The following DPP10 variants were observed in gnomAD, a reference collection of about 807,000 sequenced individuals.
DPP10 encodes dipeptidyl peptidase like 10.
DPP10 carries 33 observed loss-of-function variants against 120.9 expected under a neutral mutation model. The observed-to-expected ratio is 0.27, with a 90% CI of 0.21 to 0.37. The LOEUF is 0.37. Ranked by LOEUF, DPP10 falls within the 10% of genes least tolerant of loss-of-function variation. DPP10 has a pLI of 1.00. For missense variants in DPP10, 816 were observed against 942.8 expected (o/e 0.87, Z 1.76); for synonymous variants, 337 against 326.1 (o/e 1.03, Z -0.36).
chr2:115,654,554 A>G (rs940982878), intron 5 of DPP10, among the ~76,000 whole-genome samples: 4 of 151,928 alleles, frequency 2.6e-5, no homozygotes, highest in African/African-American at 9.7e-5. Flanking sequence ...AGCAAACAGA[A>G]CAGTCTGTAA....
intron 1 of DPP10, among the ~76,000 whole-genome samples, chr2:114,724,485 T>C (rs1701912549): frequency 6.6e-6 from 1 of 152,138 alleles, no homozygotes; most frequent in Non-Finnish European, 1.5e-5. Context: ...AAAAGGCAGG[T>C]TGATTTTTAT....
chr2:114,713,387 A>C (rs984290286), intron 1 of DPP10, among the ~76,000 whole-genome samples: 1 of 152,190 alleles, frequency 6.6e-6, no homozygotes, highest in Non-Finnish European at 1.5e-5. Flanking sequence ...AGAATTGCTG[A>C]TATGTATAGA....
rs149132320 is a variant in DPP10, at chr2:114,454,772, A to T, written c.60+11934A>T. Among the ~76,000 whole-genome samples, 19 of 152,080 alleles carry T rather than the reference A, an allele frequency of 1.2e-4. No homozygotes were observed. In the East Asian group the frequency reaches 3.3e-3, roughly 26 times the overall value. On this transcript the variant is annotated intron_variant, in intron 1 of 25. Transcript: ENST00000410059. ...GTCCTTCCCTCCCCCTGCAAACAAC[A>T]TCACATTTATGTCTATGTATCTTTG...
intron 4 of DPP10, among the ~76,000 whole-genome samples, chr2:115,505,584 T>A (rs1301530547): frequency 1.3e-5 from 2 of 152,180 alleles, no homozygotes; most frequent in Admixed American, 1.3e-4. Context: ...AATCAGTCAG[T>A]CCATCTTGAG....
intron 3 of DPP10, among the ~76,000 whole-genome samples, chr2:115,456,224 T>G (rs2073528083): frequency 6.6e-6 from 1 of 152,226 alleles, no homozygotes; most frequent in African/African-American, 2.4e-5. Flanking sequence ...CATCATCACT[T>G]TTCATTAGAG....
At chr2:114,642,711 G>A (rs1695801923) in intron 1 of DPP10, among the ~76,000 whole-genome samples, 1 of 151,264 alleles carries the variant, frequency 6.6e-6, no homozygotes. Context: ...ATTCTACACA[G>A]CCCATAAAAA....
At chr2:115,407,128 C>T (rs959555014) in intron 3 of DPP10, among the ~76,000 whole-genome samples, 1 of 152,194 alleles carries the variant, frequency 6.6e-6, no homozygotes, top group Non-Finnish European at 1.5e-5. Context: ...CAGGCTCCTT[C>T]GCCCTGGAAA....
rs1308973884 is a variant in DPP10 at position 115,844,999 on chromosome 2, C to A, written c.*2654C>A. 1 of 152,052 alleles carries A rather than the reference C, an allele frequency of 6.6e-6. No homozygotes were observed. The highest frequency in any genetic ancestry group is 1.5e-5 in the Non-Finnish European group (1 of 68,004). 9.4% of individuals were successfully genotyped at this position (152,052 alleles called of 1,614,324 possible). A position where few individuals can be genotyped will look rare whatever the true frequency, so the allele number is the denominator to read the frequency against. On this transcript the variant is annotated 3_prime_UTR_variant, in exon 26 of 26. Coordinates refer to ENST00000410059, the MANE Select transcript of DPP10 (RefSeq NM_020868.6). ...ATCTCACTTCACTCTGAAAATGTGCCTTTTTTTAATTGGGTGTTTAGCATA... is the reference window on the plus strand; with the variant it reads ...ATCTCACTTCACTCTGAAAATGTGCATTTTTTTAATTGGGTGTTTAGCATA...
chr2:115,291,805 TA>T (rs1439151486), intron 1 of DPP10, among the ~76,000 whole-genome samples: 1 of 152,122 alleles, frequency 6.6e-6, no homozygotes, highest in Non-Finnish European at 1.5e-5. Flanking sequence ...CATTCATCAA[TA>T]CCAAGGCTCG....
chr2:115,748,188 T>A (rs1168481501), intron 10 of DPP10, among the ~76,000 whole-genome samples: 1 of 151,132 alleles, frequency 6.6e-6, no homozygotes, highest in African/African-American at 2.4e-5. Context: ...AATAGCAGAA[T>A]ATTTAAATAA....
intron 1 of DPP10, among the ~76,000 whole-genome samples, chr2:115,026,729 G>A (rs975137131): frequency 2.0e-5 from 3 of 152,010 alleles, no homozygotes; most frequent in Non-Finnish European, 1.5e-5. Context: ...TAGAGTCAGG[G>A]TTTTATCATG....
chr2:114,500,315 G>T (rs991363938), intron 1 of DPP10, among the ~76,000 whole-genome samples: 1 of 152,130 alleles, frequency 6.6e-6, no homozygotes, highest in East Asian at 1.9e-4. Context: ...GAGAATTTGC[G>T]GAATTAGGTC....
At chr2:114,944,750 A>C (rs749223166) in intron 1 of DPP10, among the ~76,000 whole-genome samples, 11 of 152,288 alleles carry the variant, frequency 7.2e-5, no homozygotes, top group Non-Finnish European at 1.3e-4. Context: ...AGCACTACAA[A>C]ATAAATATTG....
intron 3 of DPP10, among the ~76,000 whole-genome samples, chr2:115,475,105 G>A (rs533283909): frequency 1.3e-5 from 2 of 152,156 alleles, no homozygotes; most frequent in Admixed American, 6.5e-5. Flanking sequence ...GTTGCCAATA[G>A]CCAAGACAAT....
At chr2:115,438,336 T>C (rs1247086733) in intron 3 of DPP10, among the ~76,000 whole-genome samples, 2 of 152,118 alleles carry the variant, frequency 1.3e-5, no homozygotes, top group Admixed American at 1.3e-4. Flanking sequence ...AAAGTTTGCA[T>C]AGAATAACTA....
At chr2:115,663,650 T>C (rs983347607) in intron 5 of DPP10, among the ~76,000 whole-genome samples, 1 of 152,184 alleles carries the variant, frequency 6.6e-6, no homozygotes, top group African/African-American at 2.4e-5. Context: ...TGAGTTGTTT[T>C]GTGTAGAGAA....
chr2:115,117,146 G>A (rs1573674506), intron 1 of DPP10, among the ~76,000 whole-genome samples: 1 of 152,184 alleles, frequency 6.6e-6, no homozygotes, highest in Non-Finnish European at 1.5e-5. Flanking sequence ...GCCATGGTAA[G>A]CACTCAATTA....
intron 1 of DPP10, among the ~76,000 whole-genome samples, chr2:114,748,291 T>C (rs909005434): frequency 6.7e-6 from 1 of 150,240 alleles, no homozygotes; most frequent in Admixed American, 6.6e-5. Flanking sequence ...GTGAGAAACA[T>C]GCATCTTGAG....
chr2:115,098,635 G>A (rs1377676090), intron 1 of DPP10, among the ~76,000 whole-genome samples: 1 of 151,762 alleles, frequency 6.6e-6, no homozygotes, highest in Non-Finnish European at 1.5e-5. Context: ...TTGTATAGGC[G>A]GCCCATCATT....
Sources: gnomAD v4.1 joint callset for allele counts (sites outside exome capture counted in the v4.1 genomes callset) on GRCh38, gnomAD v4.1.1 for gene constraint, MANE v1.5 for transcripts, NCBI Gene and HGNC (gene_info 2026-07-23, HGNC 2026-07-21) for gene names.